The following LY86 variants were observed in gnomAD, a reference collection of about 807,000 sequenced individuals.
LY86 encodes the protein MD-1, RP105-associated.
In LY86, 20 loss-of-function variants were observed where a neutral mutation model predicts 17.3. The ratio of observed to expected loss-of-function variants is 1.15; its 90% confidence interval spans 0.81 to 1.68. The LOEUF is 1.68. LY86 is among the 40% of genes most tolerant of loss of function. LY86 has a pLI of 0.00. For missense variants in LY86, 200 were observed against 191.9 expected (o/e 1.04, Z -0.25); for synonymous variants, 74 against 70.6 (o/e 1.05, Z -0.24).
chr6:6,640,829 A>T (rs1438667956), intron 3 of LY86, among the ~76,000 whole-genome samples: 1 of 152,216 alleles, frequency 6.6e-6, no homozygotes, highest in Non-Finnish European at 1.5e-5. Context: ...CCCAGGAAAA[A>T]TTCTAATTTT....
At chr6:6,610,357 G>A (rs1761301165) in intron 1 of LY86, among the ~76,000 whole-genome samples, 1 of 152,126 alleles carries the variant, frequency 6.6e-6, no homozygotes, top group African/African-American at 2.4e-5. Context: ...ATGGCCTGAA[G>A]CTCTTGAGCC....
At chr6:6,592,624 G>GC (rs1158767908) in intron 1 of LY86, among the ~76,000 whole-genome samples, 1 of 152,158 alleles carries the variant, frequency 6.6e-6, no homozygotes, top group African/African-American at 2.4e-5. Context: ...AGAAGGTGGG[G>GC]CCTTTAGGAA....
intron 1 of LY86, among the ~76,000 whole-genome samples, chr6:6,592,814 C>T (rs1382021958): frequency 2.0e-5 from 3 of 152,188 alleles, no homozygotes; most frequent in Non-Finnish European, 4.4e-5. Context: ...TTCAACCCTC[C>T]AGGACTCTGA....
intron 1 of LY86, among the ~76,000 whole-genome samples, chr6:6,617,805 G>C (rs1333756336): frequency 6.6e-6 from 1 of 152,100 alleles, no homozygotes; most frequent in Admixed American, 6.5e-5. Flanking sequence ...CTTGCACTTA[G>C]TGCATTTGGT....
chr6:6,608,825 G>C (rs1268644685), intron 1 of LY86, among the ~76,000 whole-genome samples: 1 of 152,208 alleles, frequency 6.6e-6, no homozygotes, highest in African/African-American at 2.4e-5. Context: ...GCAGGTCTGC[G>C]GGGGAAGGAC....
chr6:6,605,004 C>T (rs546482698), intron 1 of LY86, among the ~76,000 whole-genome samples: 41 of 150,696 alleles, frequency 2.7e-4, no homozygotes, highest in Non-Finnish European at 5.0e-4. Context: ...ATAGTTAAGT[C>T]ATTCAATAGT....
chr6:6,654,415 G>T (rs746616886), intron 4 of LY86, 129 bp from the exon 5 acceptor site: 1 of 696,464 alleles, frequency 1.4e-6, no homozygotes, highest in Non-Finnish European at 2.5e-6. Context: ...GGGTTGGCTT[G>T]TCTTGTTCTA....
chr6:6,608,407 C>T lies in LY86; in HGVS notation c.137-16519C>T, dbSNP rs146129025. Among the ~76,000 whole-genome samples the T allele has an allele frequency of 6.7e-4, 102 of 152,318 alleles. 1 individual carries two copies. Among genetic ancestry groups the T allele is most frequent in the African/African-American group, 2.0e-3 (85 of 41,576 alleles). On this transcript the variant is annotated intron_variant, in intron 1 of 4. Transcript: ENST00000230568. ...CATGGAGGTAGAGTACATCATTATA[C>T]GTATCGACTACAATTGTGTCCCTCC...
chr6:6,630,871 C>A (rs1037629045), intron 3 of LY86, among the ~76,000 whole-genome samples: 2 of 152,016 alleles, frequency 1.3e-5, no homozygotes, highest in African/African-American at 4.8e-5. Context: ...AAGCTTTAGT[C>A]TTAGAAAAAG....
At chr6:6,606,028 C>G (rs148256540) in intron 1 of LY86, among the ~76,000 whole-genome samples, 11 of 152,188 alleles carry the variant, frequency 7.2e-5, no homozygotes, top group Admixed American at 1.3e-4. Flanking sequence ...TTCCACAGCA[C>G]GTAATACTAC....
At chr6:6,631,739 A>G (rs912675936) in intron 3 of LY86, among the ~76,000 whole-genome samples, 5 of 152,186 alleles carry the variant, frequency 3.3e-5, no homozygotes, top group Admixed American at 6.5e-5. Context: ...TTTGCAGACC[A>G]TATGGTCTCT....
At chr6:6,596,918 T>C (rs1238280402) in intron 1 of LY86, among the ~76,000 whole-genome samples, 2 of 152,180 alleles carry the variant, frequency 1.3e-5, no homozygotes, top group East Asian at 1.9e-4. Context: ...CAAGAGTCTG[T>C]AGTTCTGAAG....
chr6:6,590,508 A>G (rs147820900), intron 1 of LY86, among the ~76,000 whole-genome samples: 1,712 of 152,188 alleles, frequency 0.011, 15 homozygotes, highest in Non-Finnish European at 0.015. Context: ...GAAATCTTGG[A>G]TAAGGGGGCT....
chr6:6,620,438 A>G (rs1291418816), intron 1 of LY86, among the ~76,000 whole-genome samples: 1 of 152,248 alleles, frequency 6.6e-6, no homozygotes. Context: ...CCAGCCAGCA[A>G]CGCAGAGGCC....
intron 4 of LY86, among the ~76,000 whole-genome samples, chr6:6,653,566 G>A (rs905778122): frequency 1.3e-5 from 2 of 152,194 alleles, no homozygotes; most frequent in Non-Finnish European, 2.9e-5. Context: ...CTGCCAGGTG[G>A]CTTCTGCCAA....
chr6:6,615,183 C>T (rs1423022415), intron 1 of LY86, among the ~76,000 whole-genome samples: 2 of 152,170 alleles, frequency 1.3e-5, no homozygotes, highest in African/African-American at 4.8e-5. Flanking sequence ...AAGAGAATCA[C>T]CTGGGGAGCA....
At chr6:6,596,128 A>G (rs949448209) in intron 1 of LY86, among the ~76,000 whole-genome samples, 1 of 152,236 alleles carries the variant, frequency 6.6e-6, no homozygotes, top group Non-Finnish European at 1.5e-5. Flanking sequence ...CAAAGCCTGC[A>G]TCAAGTCACA....
intron 1 of LY86, among the ~76,000 whole-genome samples, chr6:6,603,302 C>T (rs964055875): frequency 1.3e-5 from 2 of 152,042 alleles, no homozygotes; most frequent in Non-Finnish European, 2.9e-5. Flanking sequence ...TGTGCACTCG[C>T]ATCTCTAGCA....
At position 6,608,956 on chromosome 6, in the gene LY86, A is replaced by C. The variant is rs182413498; in HGVS notation, c.137-15970A>C. ...TAATTCTTTTTATATCTTTAGCAAA[A>C]GTATTTTTTATTCCCCTAATCAGGA... On this transcript the variant is annotated intron_variant, in intron 1 of 4. Coordinates refer to ENST00000230568, the MANE Select transcript of LY86 (RefSeq NM_004271.4). Among the ~76,000 whole-genome samples the C allele has an allele frequency of 3.3e-3, 506 of 152,288 alleles. 4 individuals carry two copies. The highest frequency in any genetic ancestry group is 0.011 in the African/African-American group (450 of 41,548).
Sources: allele counts gnomAD v4.1 joint callset (sites outside exome capture counted in the v4.1 genomes callset), GRCh38; gene constraint gnomAD v4.1.1; transcripts MANE v1.5; gene names NCBI Gene and HGNC (gene_info 2026-07-23, HGNC 2026-07-21).